Variants in DNAI7 observed in about 807,000 individuals in gnomAD.
DNAI7 encodes the protein dynein axonemal intermediate chain 7.
DNAI7 carries 78 observed loss-of-function variants against 86.6 expected under a neutral mutation model. The ratio of observed to expected loss-of-function variants is 0.90; its 90% CI spans 0.75 to 1.09. The LOEUF is 1.09. Ranked by LOEUF, DNAI7 falls within the 50% of genes least tolerant of loss-of-function variation. The pLI is 0.00. For synonymous variants in DNAI7, 274 were observed against 273.0 expected (o/e 1.00, Z -0.04); for missense variants, 753 against 810.2 (o/e 0.93, Z 0.86).
At chr12:25,136,915 A>G (rs1190025775) in intron 9 of DNAI7, among the ~76,000 whole-genome samples, 5 of 152,204 alleles carry the variant, frequency 3.3e-5, no homozygotes, top group Non-Finnish European at 7.3e-5. Flanking sequence ...GTCTGGGATT[A>G]TGTAAACAAC....
intron 9 of DNAI7, among the ~76,000 whole-genome samples, chr12:25,141,725 G>A (rs571827697): frequency 2.0e-5 from 3 of 152,230 alleles, no homozygotes; most frequent in Non-Finnish European, 4.4e-5. Flanking sequence ...AGCTACTCAG[G>A]AGTCTCAGGC....
chr12:25,168,681 A>G (rs1182391164), intron 2 of DNAI7, among the ~76,000 whole-genome samples: 1 of 152,128 alleles, frequency 6.6e-6, no homozygotes, highest in Admixed American at 6.5e-5. Context: ...ATGACAACAT[A>G]AAAAACTCAA....
At chr12:25,161,808 A>G (rs1389781122) in intron 2 of DNAI7, among the ~76,000 whole-genome samples, 1 of 152,206 alleles carries the variant, frequency 6.6e-6, no homozygotes, top group Non-Finnish European at 1.5e-5. Context: ...TGGGCCCTGG[A>G]AAGACTCCAA....
intron 1 of DNAI7, among the ~76,000 whole-genome samples, chr12:25,191,075 G>A (rs759689580): frequency 1.3e-5 from 2 of 152,080 alleles, no homozygotes; most frequent in South Asian, 2.1e-4. Context: ...TAACCTTTCC[G>A]TAAAGTTAGA....
chr12:25,179,514 T>C (rs188531816), intron 2 of DNAI7, among the ~76,000 whole-genome samples: 67 of 152,244 alleles, frequency 4.4e-4, no homozygotes, highest in African/African-American at 1.4e-3. Flanking sequence ...TCCTTGTAGT[T>C]CCCTGAATTT....
chr12:25,110,830 C>T (rs1219000646), intron 14 of DNAI7, among the ~76,000 whole-genome samples: 1 of 152,054 alleles, frequency 6.6e-6, no homozygotes, highest in Non-Finnish European at 1.5e-5. Flanking sequence ...TTTCCTTCGA[C>T]TGTGAAAGAA....
chr12:25,191,446 T>C (rs1950510481), intron 1 of DNAI7, among the ~76,000 whole-genome samples: 1 of 152,142 alleles, frequency 6.6e-6, no homozygotes. Context: ...GGCTCACACC[T>C]GTAATCCCAG....
At chr12:25,165,132 G>A (rs575042592) in intron 2 of DNAI7, among the ~76,000 whole-genome samples, 10 of 152,176 alleles carry the variant, frequency 6.6e-5, no homozygotes, top group South Asian at 2.1e-4. Flanking sequence ...TCAAAAGGCC[G>A]TCTTACACTC....
At chr12:25,173,876 T>TGGA in intron 2 of DNAI7, among the ~76,000 whole-genome samples, 3 of 70,544 alleles carry the variant, frequency 4.3e-5, no homozygotes, top group South Asian at 4.5e-4. Context: ...ATCATATATA[T>TGGA]ATACACATCA....
downstream of DNAI7, chr12:25,107,800 T>C: frequency 6.2e-7 from 1 of 1,600,138 alleles, no homozygotes; most frequent in Non-Finnish European, 8.6e-7. Context: ...CAAATTCTAT[T>C]TGTGTTTTCC....
intron 9 of DNAI7, among the ~76,000 whole-genome samples, chr12:25,134,169 G>T (rs952712024): frequency 7.3e-5 from 11 of 151,040 alleles, no homozygotes; most frequent in African/African-American, 1.9e-4. Flanking sequence ...TACTTTTTTT[G>T]ATTTTTAGTA....
rs1288719609 is a variant in DNAI7 at position 25,108,612 on chromosome 12, T to C, written c.2105A>G (p.Asn702Ser). 5 of 1,613,816 alleles carry C rather than the reference T, an allele frequency of 3.1e-6. No homozygotes were observed. Among genetic ancestry groups the C allele is most frequent in the East Asian group, 2.2e-5 (1 of 44,868 alleles). The change falls in exon 16 of 16, where the codon AAC (asparagine) becomes AGC (serine). Residue 702 changes from asparagine (N) to serine (S), a missense_variant. Physicochemically the swap from Asn to Ser is conservative, Grantham distance 46 (BLOSUM62 1). Coordinates refer to ENST00000395987, the MANE Select transcript of DNAI7 (RefSeq NM_018272.5). ...EEAMEKVRSS[N>S]CQFVNSVCHM... ...GCACACAGAGTTGACAAACTGACAGTTGGAACTCCTGACTTTCTCCATTGC... is the reference window on the plus strand; with the variant it reads ...GCACACAGAGTTGACAAACTGACAGCTGGAACTCCTGACTTTCTCCATTGC...
chr12:25,128,442 G>A (rs1288019184), intron 9 of DNAI7, among the ~76,000 whole-genome samples: 1 of 152,054 alleles, frequency 6.6e-6, no homozygotes, highest in African/African-American at 2.4e-5. Flanking sequence ...ATGCTCTGTA[G>A]GTCACACACA....
At chr12:25,195,028 G>A (rs1592777170) in intron 1 of DNAI7, 48 bp downstream of exon 1, 1 of 1,614,258 alleles carries the variant, frequency 6.2e-7, no homozygotes, top group Non-Finnish European at 8.5e-7. Flanking sequence ...TGGTGAAGCA[G>A]AATCAGTGGT....
intron 9 of DNAI7, among the ~76,000 whole-genome samples, chr12:25,131,591 C>A (rs933646196): frequency 6.6e-6 from 1 of 152,078 alleles, no homozygotes; most frequent in Non-Finnish European, 1.5e-5. Context: ...TCCCAAGAAT[C>A]CCCAGTAACC....
At chr12:25,169,947 A>G (rs1343342167) in intron 2 of DNAI7, among the ~76,000 whole-genome samples, 1 of 152,150 alleles carries the variant, frequency 6.6e-6, no homozygotes, top group Non-Finnish European at 1.5e-5. Context: ...TCTAACACAT[A>G]AGGACTCACA....
Position 25,121,819 on chromosome 12 carries a change from T to C in DNAI7, c.1173A>G (p.Val391=). 1.9e-6 allele frequency: 3 copies of C among 1,607,316 alleles called. No individual in the cohort carries two copies. The highest frequency in any genetic ancestry group is 1.7e-6 in the Non-Finnish European group (2 of 1,178,166). ...DLCQFTTLGG[V]YHLDILELPP... is the part of the protein sequence containing the mutation. ...GAAGCTCCAAAATATCCAAGTGGTA[T>C]ACTCCACCCAGAGTTGTGAACTGGC... Residue 391 remains valine, a synonymous_variant, in exon 11 of 16, where the codon GTA becomes GTG. Transcript: ENST00000395987.
chr12:25,127,307 C>T (rs753671889), intron 9 of DNAI7, among the ~76,000 whole-genome samples: 5 of 152,154 alleles, frequency 3.3e-5, no homozygotes, highest in Non-Finnish European at 7.4e-5. Context: ...TAATAATAAA[C>T]TCCTTGTGTT....
chr12:25,115,902 T>C (rs1345149883), intron 12 of DNAI7, among the ~76,000 whole-genome samples: 1 of 152,196 alleles, frequency 6.6e-6, no homozygotes, highest in Non-Finnish European at 1.5e-5. Context: ...CATTCCAACC[T>C]GTGAGAAGCC....
Sources: allele counts gnomAD v4.1 joint callset (sites outside exome capture counted in the v4.1 genomes callset), GRCh38; gene constraint gnomAD v4.1.1; transcripts MANE v1.5; gene names NCBI Gene and HGNC (gene_info 2026-07-23, HGNC 2026-07-21).